The following CDH20 variants were observed in gnomAD, a reference collection of about 807,000 sequenced individuals.
CDH20 encodes the protein cadherin 20.
CDH20 carries 29 observed loss-of-function variants against 74.2 expected under a neutral mutation model. That is an observed-to-expected ratio of 0.39 (90% confidence interval 0.29 to 0.53). The LOEUF is 0.53. CDH20 is among the 20% of genes least tolerant of loss of function. The pLI is 0.69. For synonymous variants in CDH20, 469 were observed against 405.4 expected, an observed-to-expected ratio of 1.16 and a Z score of -1.88; for missense variants, 988 against 1,048.3, an observed-to-expected ratio of 0.94 and a Z score of 0.79.
intron 11 of CDH20, among the ~76,000 whole-genome samples, chr18:61,551,376 G>C (rs1195784595): frequency 6.6e-6 from 1 of 152,168 alleles, no homozygotes; most frequent in Non-Finnish European, 1.5e-5. Flanking sequence ...AATTAGAATA[G>C]AGGTACAGAT....
chr18:61,468,619 T>TA (rs1161291510), intron 1 of CDH20, among the ~76,000 whole-genome samples: 2 of 152,178 alleles, frequency 1.3e-5, no homozygotes, highest in Admixed American at 6.5e-5. Flanking sequence ...TTCAAGTCAC[T>TA]ACAGTGCAAC....
intron 1 of CDH20, among the ~76,000 whole-genome samples, chr18:61,457,459 G>A (rs1164556452): frequency 6.6e-6 from 1 of 152,056 alleles, no homozygotes. Flanking sequence ...GCATAGAAAA[G>A]TTAAATTACT....
chr18:61,386,337 A>T (rs1348995019), intron 1 of CDH20, among the ~76,000 whole-genome samples: 1 of 152,094 alleles, frequency 6.6e-6, no homozygotes, highest in Non-Finnish European at 1.5e-5. Context: ...TGCCCTTTTT[A>T]AAAAAGGCCT....
chr18:61,478,717 T>C lies in CDH20; in HGVS notation c.-152-11685T>C, dbSNP rs60913442. Among the ~76,000 whole-genome samples the C allele has an allele frequency of 8.2e-3, 1,242 of 152,276 alleles. 20 individuals are homozygous for C. Among genetic ancestry groups the C allele is most frequent in the African/African-American group, 0.028 (1,182 of 41,566 alleles). ...TAACCAACTTAGTGAAGAAGTCTTT[T>C]TTCCCAAATATGTAACACAGATGAA... On this transcript the variant is annotated intron_variant, in intron 1 of 11. Transcript: ENST00000262717.
chr18:61,395,303 C>T lies in CDH20; in HGVS notation c.-153+61476C>T, dbSNP rs566157020. On this transcript the variant is annotated intron_variant, in intron 1 of 11. Coordinates refer to ENST00000262717, the MANE Select transcript of CDH20 (RefSeq NM_031891.4). Reference sequence around the variant, plus strand: ...CCTTTGTAACCCTCACTGTTCTCATCTATAAAATGAATGTAACAATAATAT... The same window carrying T: ...CCTTTGTAACCCTCACTGTTCTCATTTATAAAATGAATGTAACAATAATAT... Among the ~76,000 whole-genome samples the T allele has an allele frequency of 6.6e-5, 10 of 152,280 alleles. No individual in the cohort carries two copies. The South Asian group carries it at 2.1e-3, about 32-fold the overall frequency.
chr18:61,544,469 G>A (rs1302647198), intron 9 of CDH20, among the ~76,000 whole-genome samples: 1 of 152,250 alleles, frequency 6.6e-6, no homozygotes, highest in East Asian at 1.9e-4. Context: ...AAGGCTGAGT[G>A]CAACGTTTAT....
intron 1 of CDH20, among the ~76,000 whole-genome samples, chr18:61,357,599 A>G (rs1484288734): frequency 6.6e-6 from 1 of 152,220 alleles, no homozygotes; most frequent in East Asian, 1.9e-4. Context: ...GAGAAACAGC[A>G]AAAGGTGAAA....
At chr18:61,480,254 A>G (rs187557388) in intron 1 of CDH20, among the ~76,000 whole-genome samples, 1 of 152,340 alleles carries the variant, frequency 6.6e-6, no homozygotes, top group Admixed American at 6.5e-5. Flanking sequence ...CTTTAACTTA[A>G]CAATATTACA....
At chr18:61,440,804 G>C (rs551770036) in intron 1 of CDH20, among the ~76,000 whole-genome samples, 8 of 152,266 alleles carry the variant, frequency 5.3e-5, no homozygotes, top group Admixed American at 2.0e-4. Context: ...CATGGGATGG[G>C]GGAAGGGCAC....
intron 10 of CDH20, among the ~76,000 whole-genome samples, chr18:61,548,594 T>C (rs1307743701): frequency 6.6e-6 from 1 of 152,222 alleles, no homozygotes; most frequent in African/African-American, 2.4e-5. Context: ...GCCCAGATTA[T>C]GCTATGGGAA....
intron 1 of CDH20, among the ~76,000 whole-genome samples, chr18:61,441,625 G>A (rs1248976178): frequency 1.3e-5 from 2 of 152,126 alleles, no homozygotes; most frequent in African/African-American, 4.8e-5. Context: ...TGTGTGGATA[G>A]GGGCCCCATA....
chr18:61,401,195 T>A (rs1912141850), intron 1 of CDH20, among the ~76,000 whole-genome samples: 1 of 152,242 alleles, frequency 6.6e-6, no homozygotes. Flanking sequence ...AATATTTCCT[T>A]GTGCAATGTG....
At chr18:61,384,499 A>G (rs2097337737) in intron 1 of CDH20, among the ~76,000 whole-genome samples, 2 of 152,288 alleles carry the variant, frequency 1.3e-5, no homozygotes, top group Middle Eastern at 3.4e-3. Flanking sequence ...CCTACCAATA[A>G]TATTAGAAAA....
chr18:61,490,019 T>C (rs1280236033), intron 1 of CDH20, among the ~76,000 whole-genome samples: 1 of 152,180 alleles, frequency 6.6e-6, no homozygotes, highest in Non-Finnish European at 1.5e-5. Flanking sequence ...AGTTATTAGC[T>C]GTAAATTTTG....
intron 1 of CDH20, among the ~76,000 whole-genome samples, chr18:61,369,382 A>G (rs529396166): frequency 6.6e-6 from 1 of 152,152 alleles, no homozygotes; most frequent in Non-Finnish European, 1.5e-5. Context: ...CAGACTTTTA[A>G]TGGGAGTCTA....
chr18:61,462,735 G>GCA (rs1568149146), intron 1 of CDH20, among the ~76,000 whole-genome samples: 2 of 108,392 alleles, frequency 1.8e-5, no homozygotes, highest in East Asian at 7.5e-4. Flanking sequence ...GGGGGGGGGG[G>GCA]CATCTAGGGC....
In CDH20 at chr18:61,366,948, G is replaced by A. The variant is rs114039237; in HGVS notation, c.-153+33121G>A. Among the ~76,000 whole-genome samples, 102 of 152,228 alleles carry A rather than the reference G, an allele frequency of 6.7e-4. 2 individuals are homozygous for A. Among genetic ancestry groups the A allele is most frequent in the African/African-American group, 2.2e-3 (92 of 41,554 alleles). ...GAATATACGATGAATATATTAGGGC[G>A]CAAACAGGTAAAATCAATTCCTAAT... On this transcript the variant is annotated intron_variant, in intron 1 of 11. Transcript: ENST00000262717.
chr18:61,551,817 G>A (rs1442009111), intron 11 of CDH20, among the ~76,000 whole-genome samples: 1 of 152,142 alleles, frequency 6.6e-6, no homozygotes, highest in Non-Finnish European at 1.5e-5. Context: ...TTTGGAAAAT[G>A]TCGAAGTTAA....
intron 1 of CDH20, among the ~76,000 whole-genome samples, chr18:61,434,461 T>C (rs1006550011): frequency 1.3e-5 from 2 of 152,142 alleles, no homozygotes; most frequent in African/African-American, 4.8e-5. Flanking sequence ...CCGTAATAAG[T>C]ATTTTGCATG....
Sources: gnomAD v4.1 joint callset for allele counts (sites outside exome capture counted in the v4.1 genomes callset) on GRCh38, gnomAD v4.1.1 for gene constraint, MANE v1.5 for transcripts, NCBI Gene and HGNC (gene_info 2026-07-23, HGNC 2026-07-21) for gene names.